PALB2: variants seen among roughly 807,000 people sequenced by gnomAD.
PALB2 encodes the protein partner and localizer of BRCA2.
Under a neutral mutation model 107.4 loss-of-function variants are expected in PALB2, and 82 were observed. The ratio of observed to expected loss-of-function variants is 0.76; its 90% CI spans 0.64 to 0.92. The LOEUF is 0.92. PALB2 is among the 40% of genes least tolerant of loss of function. The pLI is 0.00. For missense variants in PALB2, 1,374 were observed against 1,379.9 expected, an observed-to-expected ratio of 1.00 and a Z score of 0.07; for synonymous variants, 489 against 496.8, an observed-to-expected ratio of 0.98 and a Z score of 0.21.
Position 23,626,291 on chromosome 16 carries a change from C to T in PALB2, c.2693G>A (p.Trp898Ter), listed in dbSNP as rs876658983. Residue 898 changes from tryptophan (W) to a stop codon, truncating the protein, a stop_gained, in exon 7 of 13, where the codon TGG (tryptophan) becomes TAG (stop). Transcript: ENST00000261584. LOFTEE classifies it high-confidence loss of function. ...CCACTGCCAAGCATCCAGAGCTTTC[C>T]AAAGAGAAACTACATCTTCGCAAGC... is the stretch of plus-strand genomic sequence containing the variant. ...ITACEDVVSL[W>*]KALDAWQWEK... 6.2e-7 allele frequency: 1 copy of T among 1,614,154 alleles called. No homozygotes were observed. The highest frequency in any genetic ancestry group is 8.5e-7 in the Non-Finnish European group (1 of 1,180,022).
rs199539948 is a variant in PALB2, at chr16:23,623,868, A to AT, written c.2834+140dup. 1,142 of 676,548 alleles carry AT rather than the reference A, an allele frequency of 1.7e-3. 14 individuals are homozygous for AT. The East Asian group carries it at 0.024, about 14-fold the overall frequency. 41.9% of individuals were successfully genotyped at this position (676,548 alleles called of 1,614,324 possible). A position where few individuals can be genotyped will look rare whatever the true frequency, so the allele number is the denominator to read the frequency against. On this transcript the variant is annotated intron_variant, in intron 8 of 12. Coordinates refer to ENST00000261584, the MANE Select transcript of PALB2 (RefSeq NM_024675.4). Reference sequence around the variant, plus strand: ...TTCAGTCAGGGATGTCATTCTATTGATTTTTTTTTAAACAAATCTCTCTCT... The same window carrying AT: ...TTCAGTCAGGGATGTCATTCTATTGATTTTTTTTTTAAACAAATCTCTCTCT...
rs879254193 is a variant in PALB2 at position 23,622,964 on chromosome 16, C to A, written c.2996+5G>T. ...TAGTTAAAAATCAATCAATGCTTTT[C>A]TTACCCTCCATCTTCTGCAAACGTC... On this transcript the variant is annotated splice_donor_5th_base_variant and intron_variant, in intron 9 of 12. Coordinates refer to ENST00000261584, the MANE Select transcript of PALB2 (RefSeq NM_024675.4). 2.5e-6 allele frequency: 4 copies of A among 1,614,072 alleles called. No homozygotes were observed.
intron 8 of PALB2, 68 bp from the exon 9 acceptor site, chr16:23,623,198 CA>C: frequency 1.1e-6 from 1 of 886,156 alleles, no homozygotes; most frequent in Non-Finnish European, 1.7e-6. Context: ...GGACTAGGTT[CA>C]CTTTTTTTTT....
chr16:23,641,124 C>T lies in PALB2; in HGVS notation c.34G>A (p.Glu12Lys), dbSNP rs765520187. The part of the protein sequence containing the change: ...DEPPGKPLSC[E>K]EKEKLKEKLA... ...ACCCCCGGCACCTTTTCCTTCTCCT[C>T]ACAGCTGAGGGGCTTCCCGGGAGGC... The change falls in exon 1 of 13, where the codon GAG (glutamate) becomes AAG (lysine). Residue 12 changes from glutamate to lysine, a missense_variant. By Grantham distance (56) the Glu-to-Lys change is moderately conservative (BLOSUM62 1). Transcript: ENST00000261584. 1 of 1,613,602 alleles carries T rather than the reference C, an allele frequency of 6.2e-7. No homozygotes were observed. The highest frequency in any genetic ancestry group is 1.3e-5 in the African/African-American group (1 of 75,032).
At position 23,614,067 on chromosome 16, in the gene PALB2, C is replaced by T. The variant is rs1555458824; in HGVS notation, c.3138G>A (p.Leu1046=). ...VIWNLKTGQL[L]KKMHIDDSYQ... ...AAGAATCATCAATGTGCATCTTTTT[C>T]AGGAGTTGACCAGTTTTTAAATTCC... The change falls in exon 11 of 13, where the codon CTG becomes CTA. Residue 1046 remains leucine (L), a synonymous_variant. Coordinates refer to ENST00000261584, the MANE Select transcript of PALB2 (RefSeq NM_024675.4). 1.9e-6 allele frequency: 3 copies of T among 1,612,896 alleles called. No homozygotes were observed. The highest frequency in any genetic ancestry group is 2.5e-6 in the Non-Finnish European group (3 of 1,179,038).
intron 2 of PALB2, 43 bp from the exon 3 acceptor site, chr16:23,637,995 A>C: frequency 6.2e-7 from 1 of 1,605,148 alleles, no homozygotes; most frequent in Non-Finnish European, 8.5e-7. Context: ...TTTTCTTTAA[A>C]GTTTTATAGA....
Position 23,635,613 on chromosome 16 carries a change from T to TG in PALB2, c.932_933insC (p.Lys311AsnfsTer10), listed in dbSNP as rs1060502772. ...TAGAACTTGTGGGCAGTTGGCCACT[T>TG]TTACTTATAGCTTTATTTACAAGGA... is the stretch of plus-strand genomic sequence containing the variant. On this transcript the variant is annotated frameshift_variant, in exon 4 of 13. Coordinates refer to ENST00000261584, the MANE Select transcript of PALB2 (RefSeq NM_024675.4). LOFTEE classifies it high-confidence loss of function. 1 of 1,614,016 alleles carries TG rather than the reference T, an allele frequency of 6.2e-7. No individual in the cohort carries two copies.
intron 4 of PALB2, among the ~76,000 whole-genome samples, chr16:23,631,291 A>C (rs1966875044): frequency 1.3e-5 from 2 of 148,718 alleles, no homozygotes; most frequent in African/African-American, 2.5e-5. Context: ...AAAAAAAAAA[A>C]AAAAAAAAAA....
At position 23,635,552 on chromosome 16, in the gene PALB2, G is replaced by A. The variant is rs1567221866; in HGVS notation, c.994C>T (p.Leu332Phe). 1 of 1,613,112 alleles carries A rather than the reference G, an allele frequency of 6.2e-7. No homozygotes were observed. The highest frequency in any genetic ancestry group is 8.5e-7 in the Non-Finnish European group (1 of 1,179,490). Reference protein sequence around the residue: ...EANISCSLNELTYNNLPANEN... With the variant: ...EANISCSLNEFTYNNLPANEN... Reference sequence around the variant, plus strand: ...TTTGCTGGTAAGTTATTGTAGGTGAGTTCATTTAGAGAACATGAAATATTT... The same window carrying A: ...TTTGCTGGTAAGTTATTGTAGGTGAATTCATTTAGAGAACATGAAATATTT... Residue 332 changes from leucine (L) to phenylalanine (F), a missense_variant, in exon 4 of 13, where the codon CTC (leucine) becomes TTC (phenylalanine). Coordinates refer to ENST00000261584, the MANE Select transcript of PALB2 (RefSeq NM_024675.4).
rs757118000 is a variant in PALB2, at chr16:23,603,653, C to G, written c.3367G>C (p.Val1123Leu). 5 of 1,613,288 alleles carry G rather than the reference C, an allele frequency of 3.1e-6. No individual in the cohort carries two copies. In the Admixed American group the frequency reaches 8.4e-5, roughly 27 times the overall value. Reference sequence around the variant, plus strand: ...ATTGCTGCTGCACAGTGATCTTTCACGTCACCTTCCAGGAACCTGATAGCA... The same window carrying G: ...ATTGCTGCTGCACAGTGATCTTTCAGGTCACCTTCCAGGAACCTGATAGCA... ...GQAGRFLEGD[V>L]KDHCAAAILT... Residue 1123 changes from valine (V) to leucine (L), a missense_variant, in exon 13 of 13, where the codon GTG becomes CTG. Val to Leu is a conservative substitution (Grantham distance 32). Coordinates refer to ENST00000261584, the MANE Select transcript of PALB2 (RefSeq NM_024675.4).
In PALB2 at chr16:23,635,393, C is replaced by T. The variant is rs1966990156; in HGVS notation, c.1153G>A (p.Ala385Thr). 6.2e-7 allele frequency: 1 copy of T among 1,614,084 alleles called. No individual in the cohort carries two copies. The highest frequency in any genetic ancestry group is 8.5e-7 in the Non-Finnish European group (1 of 1,180,018). Reference protein sequence around the residue: ...LSQPKSLSLEATSPLSAEKHS... With the variant: ...LSQPKSLSLETTSPLSAEKHS... ...TTTTCTGCAGAAAGAGGAGAGGTTGCTTCCAGGCTAAGACTCTTAGGTTGA... is the reference window on the plus strand; with the variant it reads ...TTTTCTGCAGAAAGAGGAGAGGTTGTTTCCAGGCTAAGACTCTTAGGTTGA... The change falls in exon 4 of 13, where the codon GCA (alanine) becomes ACA (threonine). Residue 385 changes from alanine (A) to threonine (T), a missense_variant. By Grantham distance (58) the Ala-to-Thr change is moderately conservative. Coordinates refer to ENST00000261584, the MANE Select transcript of PALB2 (RefSeq NM_024675.4).
chr16:23,634,639 T>TTTTTTTTA (rs768707007), intron 4 of PALB2, among the ~76,000 whole-genome samples: 16 of 146,896 alleles, frequency 1.1e-4, no homozygotes, highest in East Asian at 4.0e-4. Context: ...GTCTCTTTAT[T>TTTTTTTTA]TTTATTTATT....
intron 7 of PALB2, 154 bp from the exon 8 acceptor site, chr16:23,624,248 A>G (rs1199389696): frequency 1.4e-5 from 9 of 650,326 alleles, no homozygotes; most frequent in Non-Finnish European, 1.9e-5. Context: ...ATTAGCTGTA[A>G]ATCTAAATAA....
chr16:23,616,817 A>ATT (rs763117940), intron 10 of PALB2, among the ~76,000 whole-genome samples: 2 of 146,268 alleles, frequency 1.4e-5, no homozygotes, highest in Non-Finnish European at 1.5e-5. Flanking sequence ...AGCTTAAGAA[A>ATT]TTTTTTTTTT....
intron 3 of PALB2, among the ~76,000 whole-genome samples, chr16:23,636,871 T>G (rs923096320): frequency 2.0e-5 from 3 of 152,186 alleles, no homozygotes; most frequent in African/African-American, 7.2e-5. Context: ...TATAAATTAC[T>G]TGAATGTAAA....
At position 23,626,405 on chromosome 16, in the gene PALB2, A is replaced by C. The variant is rs1489345430; in HGVS notation, c.2587-8T>G. 1 of 1,614,172 alleles carries C rather than the reference A, an allele frequency of 6.2e-7. No homozygotes were observed. The highest frequency in any genetic ancestry group is 8.5e-7 in the Non-Finnish European group (1 of 1,180,016). On this transcript the variant is annotated splice_region_variant and splice_polypyrimidine_tract_variant and intron_variant, in intron 6 of 12. Transcript: ENST00000261584. ...ACAGGAACCTGAAGGATTCTGACAC[A>C]ATGGCAACAGTTCTGTTAAAGTGGC...
intron 12 of PALB2, chr16:23,605,745 T>A (rs983634821): frequency 3.9e-5 from 6 of 152,186 alleles, no homozygotes; most frequent in African/African-American, 1.4e-4. Flanking sequence ...TGAATGCTTG[T>A]GTCCTCCCAA....
At chr16:23,627,724 A>G (rs1257607435) in intron 6 of PALB2, among the ~76,000 whole-genome samples, 1 of 152,172 alleles carries the variant, frequency 6.6e-6, no homozygotes, top group African/African-American at 2.4e-5. Flanking sequence ...CCAATTAATA[A>G]TCAATACAAC....
At chr16:23,618,294 T>G (rs1466164601) in intron 10 of PALB2, among the ~76,000 whole-genome samples, 1 of 152,100 alleles carries the variant, frequency 6.6e-6, no homozygotes, top group Non-Finnish European at 1.5e-5. Flanking sequence ...GCCTGGGTAC[T>G]GAGTGAGACT....
Sources: gnomAD v4.1 joint callset for allele counts (sites outside exome capture counted in the v4.1 genomes callset) on GRCh38, gnomAD v4.1.1 for gene constraint, MANE v1.5 for transcripts, NCBI Gene and HGNC (gene_info 2026-07-23, HGNC 2026-07-21) for gene names.